The following FOXK1 variants were observed in gnomAD, a reference collection of about 807,000 sequenced individuals.
FOXK1 encodes the protein forkhead box K1.
A neutral mutation model predicts 51.9 loss-of-function variants in FOXK1; 19 were observed. The observed-to-expected ratio is 0.37, with a 90% confidence interval of 0.26 to 0.54. FOXK1 has a LOEUF of 0.54. Among genes scored for constraint, FOXK1 ranks in the 20% least tolerant of loss-of-function variants. The pLI, the probability that FOXK1 is intolerant of heterozygous loss-of-function variation, is 0.87. For missense variants in FOXK1, 870 were observed against 1,032.7 expected (o/e 0.84, Z 2.16); for synonymous variants, 537 against 482.6 (o/e 1.11, Z -1.48).
intron 2 of FOXK1, among the ~76,000 whole-genome samples, chr7:4,746,917 A>T (rs1158036680): frequency 6.6e-6 from 1 of 151,152 alleles, no homozygotes; most frequent in Non-Finnish European, 1.5e-5. Context: ...ACCCCACCAC[A>T]CCCTCTTATG....
At chr7:4,720,161 C>T (rs1780290336) in intron 1 of FOXK1, among the ~76,000 whole-genome samples, 3 of 152,168 alleles carry the variant, frequency 2.0e-5, no homozygotes, top group Non-Finnish European at 2.9e-5. Context: ...TTCTGGTTTT[C>T]AGAAGCCTGG....
At position 4,711,949 on chromosome 7, in the gene FOXK1, G is replaced by A. The variant is rs1780179709; in HGVS notation, c.561-28889G>A. Among the ~76,000 whole-genome samples, 1 of 152,192 alleles carries A rather than the reference G, an allele frequency of 6.6e-6. No individual in the cohort carries two copies. Among genetic ancestry groups the A allele is most frequent in the African/African-American group, 2.4e-5 (1 of 41,456 alleles). On this transcript the variant is annotated intron_variant, in intron 1 of 8. Transcript: ENST00000328914. This position sits in a 1 kb window ranked among gnomAD's most constrained non-coding sequence, Gnocchi z 6.3. ...GCAGGGACTCCGGGGGAGGGGCAGAGGGCAGGTGCCGCCGAGCAGGAGGGA... is the reference window on the plus strand; with the variant it reads ...GCAGGGACTCCGGGGGAGGGGCAGAAGGCAGGTGCCGCCGAGCAGGAGGGA...
intron 1 of FOXK1, among the ~76,000 whole-genome samples, chr7:4,690,305 T>C (rs1311018552): frequency 6.6e-6 from 1 of 152,248 alleles, no homozygotes; most frequent in East Asian, 1.9e-4. Context: ...GAAGCTTTAG[T>C]TTCAGTCCGG....
chr7:4,760,346 C>T (rs1169756040), intron 7 of FOXK1, among the ~76,000 whole-genome samples: 1 of 152,230 alleles, frequency 6.6e-6, no homozygotes, highest in Admixed American at 6.5e-5. Flanking sequence ...AAGCTCCTCT[C>T]CGGAACGCCT....
rs1780040679 is a variant in FOXK1, at chr7:4,703,115, G to C, written c.560+20247G>C. Reference sequence around the variant, plus strand: ...GTGCCTCTGTGTCGGGGGCTGGGCTGGGCTGGGCTGGACTGGGAAGACTGG... The same window carrying C: ...GTGCCTCTGTGTCGGGGGCTGGGCTCGGCTGGGCTGGACTGGGAAGACTGG... On this transcript the variant is annotated intron_variant, in intron 1 of 8. Coordinates refer to ENST00000328914, the MANE Select transcript of FOXK1 (RefSeq NM_001037165.2). This position sits in a 1 kb window ranked among gnomAD's most constrained non-coding sequence, Gnocchi z 5.6. Among the ~76,000 whole-genome samples the C allele has an allele frequency of 6.6e-6, 1 of 152,154 alleles. No individual in the cohort carries two copies.
At chr7:4,708,190 ATGC>A (rs753645168) in intron 1 of FOXK1, among the ~76,000 whole-genome samples, 53 of 152,166 alleles carry the variant, frequency 3.5e-4, no homozygotes, top group Non-Finnish European at 6.0e-4. Flanking sequence ...GCTTTTTCAG[ATGC>A]TGATTTTGGT....
chr7:4,740,792 T>C, intron 1 of FOXK1, 46 bp from the exon 2 acceptor site: 1 of 1,557,346 alleles, frequency 6.4e-7, no homozygotes, highest in Non-Finnish European at 8.7e-7. Flanking sequence ...TGGCGTCTTC[T>C]TGAGTCTCCT....
intron 1 of FOXK1, among the ~76,000 whole-genome samples, chr7:4,688,772 T>C (rs962500435): frequency 6.6e-6 from 1 of 152,006 alleles, no homozygotes; most frequent in African/African-American, 2.4e-5. Flanking sequence ...ATTCACTGTG[T>C]CCCTCCCCCT....
In FOXK1 at chr7:4,748,273, C is replaced by G. The variant is rs1334361545; in HGVS notation, c.747-6186C>G. On this transcript the variant is annotated intron_variant, in intron 2 of 8. Coordinates refer to ENST00000328914, the MANE Select transcript of FOXK1 (RefSeq NM_001037165.2). This position sits in a 1 kb window ranked among gnomAD's most constrained non-coding sequence, Gnocchi z 4.9. Reference sequence around the variant, plus strand: ...GAGTCGTATTCGTACGTGACTGTCTCTTGGTTTTTCCGTTTTAGATATTAC... The same window carrying G: ...GAGTCGTATTCGTACGTGACTGTCTGTTGGTTTTTCCGTTTTAGATATTAC... Among the ~76,000 whole-genome samples, 1 of 152,304 alleles carries G rather than the reference C, an allele frequency of 6.6e-6. No homozygotes were observed. The highest frequency in any genetic ancestry group is 1.9e-4 in the East Asian group (1 of 5,184).
chr7:4,707,828 G>A lies in FOXK1; in HGVS notation c.560+24960G>A, dbSNP rs1354305463. 6.6e-6 allele frequency among the ~76,000 whole-genome samples: 1 copy of A among 151,870 alleles called. No homozygotes were observed. Among genetic ancestry groups the A allele is most frequent in the Non-Finnish European group, 1.5e-5 (1 of 67,970 alleles). ...GCCCCCCAAGTAGCTGGGATGATAG[G>A]GCCCGCCACCGTGTCCGGCTAATTT... On this transcript the variant is annotated intron_variant, in intron 1 of 8. Coordinates refer to ENST00000328914, the MANE Select transcript of FOXK1 (RefSeq NM_001037165.2). The surrounding 1 kb of genome is among the most constrained non-coding windows in gnomAD (Gnocchi z 4.1).
intron 2 of FOXK1, among the ~76,000 whole-genome samples, chr7:4,742,395 T>C (rs1158211389): frequency 3.9e-5 from 6 of 152,110 alleles, no homozygotes; most frequent in Non-Finnish European, 8.8e-5. Flanking sequence ...TTTTTCCTCT[T>C]GCAGCTGTAG....
intron 1 of FOXK1, among the ~76,000 whole-genome samples, chr7:4,720,153 C>T (rs995289924): frequency 6.6e-6 from 1 of 152,186 alleles, no homozygotes; most frequent in African/African-American, 2.4e-5. Flanking sequence ...TGCCTTGTTT[C>T]TGGTTTTCAG....
intron 2 of FOXK1, among the ~76,000 whole-genome samples, chr7:4,752,013 T>C (rs938725608): frequency 2.0e-5 from 3 of 152,132 alleles, no homozygotes; most frequent in Non-Finnish European, 4.4e-5. Flanking sequence ...AGTGCAGTGG[T>C]GTGATCATAG....
rs534794907 is a variant in FOXK1, at chr7:4,721,824, C to T, written c.561-19014C>T. Among the ~76,000 whole-genome samples, 3 of 152,292 alleles carry T rather than the reference C, an allele frequency of 2.0e-5. No homozygotes were observed. In the South Asian group the frequency reaches 6.2e-4, roughly 32 times the overall value. On this transcript the variant is annotated intron_variant, in intron 1 of 8. Coordinates refer to ENST00000328914, the MANE Select transcript of FOXK1 (RefSeq NM_001037165.2). ...CAGGCTGGTCTTGAACTCCTGACCT[C>T]ATGTGATCCTCCTGCCTCGGCCTCC...
At chr7:4,714,625 G>A (rs1248641223) in intron 1 of FOXK1, among the ~76,000 whole-genome samples, 5 of 152,228 alleles carry the variant, frequency 3.3e-5, no homozygotes, top group Non-Finnish European at 7.3e-5. Context: ...TTACTTTTGT[G>A]TGTCAAAGTA....
Position 4,725,620 on chromosome 7 carries a change from C to T in FOXK1, c.561-15218C>T, listed in dbSNP as rs572670375. ...CTCCGGGCCTCGCCCATGCTCCGGG[C>T]GTGTGGCTGTGTTGGGAGGACGGGA... is the stretch of plus-strand genomic sequence containing the variant. On this transcript the variant is annotated intron_variant, in intron 1 of 8. Transcript: ENST00000328914. Among the ~76,000 whole-genome samples, 304 of 152,366 alleles carry T rather than the reference C, an allele frequency of 2.0e-3. 2 individuals carry two copies. Among genetic ancestry groups the T allele is most frequent in the Non-Finnish European group, 1.2e-3 (82 of 68,036 alleles).
intron 1 of FOXK1, among the ~76,000 whole-genome samples, chr7:4,732,492 C>G (rs943673500): frequency 6.6e-6 from 1 of 152,210 alleles, no homozygotes; most frequent in African/African-American, 2.4e-5. Context: ...CAGGATCTCA[C>G]TGTGTTGCCC....
At chr7:4,738,165 G>C (rs186920249) in intron 1 of FOXK1, among the ~76,000 whole-genome samples, 4 of 150,790 alleles carry the variant, frequency 2.7e-5, no homozygotes, top group Non-Finnish European at 5.9e-5. Context: ...GGCCAGTCAC[G>C]GTGGCTCATG....
At chr7:4,754,751 G>A (rs1780821466) in intron 3 of FOXK1, 136 bp downstream of exon 3, 24 of 1,105,992 alleles carry the variant, frequency 2.2e-5, no homozygotes, top group Middle Eastern at 3.0e-4. Flanking sequence ...GAATGGAGCC[G>A]CAGCTGGCGG....
Sources: allele counts gnomAD v4.1 joint callset (sites outside exome capture counted in the v4.1 genomes callset), GRCh38; gene constraint gnomAD v4.1.1; non-coding constraint Gnocchi (gnomAD v3.1); transcripts MANE v1.5; gene names NCBI Gene and HGNC (gene_info 2026-07-23, HGNC 2026-07-21).